Variants in ECEL1 observed in about 807,000 individuals in gnomAD.
ECEL1 encodes the protein endothelin converting enzyme like 1.
ECEL1 carries 87 observed loss-of-function variants against 101.8 expected under a neutral mutation model. The observed-to-expected ratio is 0.85, with a 90% confidence interval of 0.72 to 1.02. The LOEUF (loss-of-function observed/expected upper bound fraction) is 1.02, where lower values mean the gene tolerates loss of function less well. Among genes scored for constraint, ECEL1 ranks in the 50% least tolerant of loss-of-function variants. The pLI is 0.00. For missense variants in ECEL1, 1,032 were observed against 1,079.2 expected, an observed-to-expected ratio of 0.96 and a Z score of 0.61; for synonymous variants, 487 against 468.7, an observed-to-expected ratio of 1.04 and a Z score of -0.50.
rs530513811 is a variant in ECEL1 at position 232,481,806 on chromosome 2, G to A, written c.1840C>T (p.Leu614=). The change falls in exon 13 of 18, where the codon CTG becomes TTG. Residue 614 remains leucine (L), a synonymous_variant. Transcript: ENST00000304546. The part of the protein sequence containing the change: ...GGIGTIIGHE[L]THGYDDWGGQ... ...CCCCAGTCGTCGTAGCCGTGGGTCAGCTCATGTCCAATGATGGTGCCGATG... is the reference window on the plus strand; with the variant it reads ...CCCCAGTCGTCGTAGCCGTGGGTCAACTCATGTCCAATGATGGTGCCGATG... 89 of 1,614,018 alleles carry A rather than the reference G, an allele frequency of 5.5e-5. No homozygotes were observed. The South Asian group carries it at 9.1e-4, about 17-fold the overall frequency.
At position 232,483,537 on chromosome 2, in the gene ECEL1, G is replaced by C. The variant is rs201740181; in HGVS notation, c.1408-23C>G. On this transcript the variant is annotated intron_variant, in intron 7 of 17. Transcript: ENST00000304546. ...CACCTGCAGGGTCAGGGGTCAGGGAGCAAGGGTCAACCCAGCAGCCTGGTC... is the reference window on the plus strand; with the variant it reads ...CACCTGCAGGGTCAGGGGTCAGGGACCAAGGGTCAACCCAGCAGCCTGGTC... 3.0e-5 allele frequency: 48 copies of C among 1,583,550 alleles called. No individual in the cohort carries two copies. The African/African-American group carries it at 3.9e-4, about 13-fold the overall frequency.
At position 232,485,912 on chromosome 2, in the gene ECEL1, T is replaced by C; in HGVS notation, c.742A>G (p.Thr248Ala). 6.4e-7 allele frequency: 1 copy of C among 1,573,674 alleles called. No homozygotes were observed. The highest frequency in any genetic ancestry group is 8.6e-7 in the Non-Finnish European group (1 of 1,162,082). The change falls in exon 2 of 18, where the codon ACG becomes GCG. Residue 248 changes from threonine to alanine, a missense_variant. Thr to Ala is a moderately conservative substitution (Grantham distance 58, BLOSUM62 0). Coordinates refer to ENST00000304546, the MANE Select transcript of ECEL1 (RefSeq NM_004826.4). Reference protein sequence around the residue: ...VYSAAALFSLTVSLDDRNSSR... With the variant: ...VYSAAALFSLAVSLDDRNSSR... ...GAGTTCCTGTCGTCCAGGCTGACCG[T>C]GAGCGAGAAGAGCGCGGCGGCGCTG...
chr2:232,486,878 C>G, intron 1 of ECEL1, 124 bp from the exon 2 acceptor site: 1 of 401,994 alleles, frequency 2.5e-6, no homozygotes, highest in Non-Finnish European at 4.2e-6. Flanking sequence ...ACTGCGGAAA[C>G]CAGGGACTAT....
chr2:232,487,159 T>A (rs1690750989), intron 1 of ECEL1, among the ~76,000 whole-genome samples: 1 of 152,180 alleles, frequency 6.6e-6, no homozygotes. Flanking sequence ...GGGGCGCGTC[T>A]ATGCGACACT....
intron 3 of ECEL1, 47 bp from the exon 4 acceptor site, chr2:232,485,138 C>T: frequency 6.2e-7 from 1 of 1,612,164 alleles, no homozygotes; most frequent in South Asian, 1.1e-5. Context: ...CAGGCCTAGC[C>T]TGGATCCACC....
chr2:232,484,474 G>C lies in ECEL1; in HGVS notation c.1182C>G (p.His394Gln), dbSNP rs144961361. Residue 394 changes from histidine to glutamine, a missense_variant and splice_region_variant, in exon 6 of 18, where the codon CAC (histidine) becomes CAG (glutamine). By Grantham distance (24) the His-to-Gln change is conservative (BLOSUM62 0). Transcript: ENST00000304546. ...AAATGCCAGATCTGCAGCCATACCG[G>C]TGGGGTGTGGAGCGGATGAGCTGCG... ...QVSQLIRSTP[H>Q]RVLHNYLVWR... 2 of 1,613,570 alleles carry C rather than the reference G, an allele frequency of 1.2e-6. No individual in the cohort carries two copies. Among genetic ancestry groups the C allele is most frequent in the East Asian group, 2.2e-5 (1 of 44,882 alleles).
chr2:232,486,333 G>A lies in ECEL1; in HGVS notation c.321C>T (p.Arg107=). ...EGCPERKAFA[R]AARFLAANLD... is the part of the protein sequence containing the mutation. ...GGTTGGCGGCCAGGAAGCGAGCGGCGCGCGCGAAGGCCTTGCGCTCAGGGC... is the reference window on the plus strand; with the variant it reads ...GGTTGGCGGCCAGGAAGCGAGCGGCACGCGCGAAGGCCTTGCGCTCAGGGC... Residue 107 remains arginine (R), a synonymous_variant, in exon 2 of 18, where the codon CGC becomes CGT. Coordinates refer to ENST00000304546, the MANE Select transcript of ECEL1 (RefSeq NM_004826.4). 6.4e-7 allele frequency: 1 copy of A among 1,561,318 alleles called. No homozygotes were observed.
At chr2:232,481,979 G>C (rs1035363265) in intron 12 of ECEL1, 130 bp from the exon 13 acceptor site, 2 of 1,184,162 alleles carry the variant, frequency 1.7e-6, no homozygotes, top group African/African-American at 1.5e-5. Flanking sequence ...GCATCCGTGC[G>C]GTCCAGGGGC....
Position 232,486,578 on chromosome 2 carries a change from C to A in ECEL1, c.76G>T (p.Gly26Trp), listed in dbSNP as rs1385188324. The part of the protein sequence containing the change: ...EVKYVSRCGA[G>W]GARGASLPPG... Reference sequence around the variant, plus strand: ...GGCAGGGAGGCCCCGCGCGCGCCCCCCGCGCCGCAGCGGCTCACGTACTTG... The same window carrying A: ...GGCAGGGAGGCCCCGCGCGCGCCCCACGCGCCGCAGCGGCTCACGTACTTG... The change falls in exon 2 of 18, where the codon GGG becomes TGG. Residue 26 changes from glycine to tryptophan, a missense_variant. By Grantham distance (184) the Gly-to-Trp change is radical. Transcript: ENST00000304546. 9 of 1,398,050 alleles carry A rather than the reference C, an allele frequency of 6.4e-6. No homozygotes were observed. Among genetic ancestry groups the A allele is most frequent in the Non-Finnish European group, 8.3e-6 (9 of 1,078,118 alleles). The allele number at this position is 1,398,050 out of a possible 1,614,324, so 86.6% of individuals were successfully genotyped here.
Position 232,485,973 on chromosome 2 carries a change from G to A in ECEL1, c.681C>T (p.Asp227=), listed in dbSNP as rs1470000507. The A allele has an allele frequency of 6.3e-7, 1 of 1,599,856 alleles. No individual in the cohort carries two copies. Among genetic ancestry groups the A allele is most frequent in the African/African-American group, 1.3e-5 (1 of 74,734 alleles). Residue 227 remains aspartate (D), a synonymous_variant, in exon 2 of 18, where the codon GAC becomes GAT. Coordinates refer to ENST00000304546, the MANE Select transcript of ECEL1 (RefSeq NM_004826.4). ...EERPGVAARW[D]LNRLLYKAQG... is the part of the protein sequence containing the mutation. ...GCGCCTTGTACAGCAGCCGGTTGAG[G>A]TCCCATCGCGCCGCGACCCCCGGAC...
chr2:232,482,212 C>T (rs1254250245), intron 12 of ECEL1, among the ~76,000 whole-genome samples: 3 of 152,134 alleles, frequency 2.0e-5, no homozygotes, highest in Admixed American at 6.5e-5. Flanking sequence ...TAAAGAAGAC[C>T]CCAGGAAGTT....
In ECEL1 at chr2:232,486,541, G is replaced by T. The variant is rs1216246091; in HGVS notation, c.113C>A (p.Pro38Gln). The T allele has an allele frequency of 7.4e-7, 1 of 1,342,818 alleles. No homozygotes were observed. The highest frequency in any genetic ancestry group is 9.5e-7 in the Non-Finnish European group (1 of 1,056,276). The allele number at this position is 1,342,818 out of a possible 1,614,324, so 83.2% of individuals were successfully genotyped here. Reference sequence around the variant, plus strand: ...GGTGGCGCTGCGCGCAGCGCCCAACGGGAAGCCCGGGGGCAGGGAGGCCCC... The same window carrying T: ...GGTGGCGCTGCGCGCAGCGCCCAACTGGAAGCCCGGGGGCAGGGAGGCCCC... ...ARGASLPPGF[P>Q]LGAARSATGA... The change falls in exon 2 of 18, where the codon CCG becomes CAG. Residue 38 changes from proline to glutamine, a missense_variant. Physicochemically the swap from Pro to Gln is moderately conservative, Grantham distance 76. Transcript: ENST00000304546.
intron 9 of ECEL1, 49 bp downstream of exon 9, chr2:232,483,056 G>T (rs13002919): frequency 1.2e-6 from 2 of 1,611,722 alleles, no homozygotes; most frequent in Admixed American, 1.7e-5. Context: ...CCTGAGTGCC[G>T]TTAGTAGAGG....
rs778102692 is a variant in ECEL1 at position 232,485,926 on chromosome 2, G to A, written c.728C>T (p.Ala243Val). The change falls in exon 2 of 18, where the codon GCG becomes GTG. Residue 243 changes from alanine (A) to valine (V), a missense_variant. Physicochemically the swap from Ala to Val is moderately conservative, Grantham distance 64. Transcript: ENST00000304546. ...CAGGCTGACCGTGAGCGAGAAGAGC[G>A]CGGCGGCGCTGTACACGCCCTGCGC... ...YKAQGVYSAA[A>V]LFSLTVSLDD... The A allele has an allele frequency of 1.7e-4, 267 of 1,575,540 alleles. 6 individuals are homozygous for A. The Middle Eastern group carries it at 6.2e-3, about 37-fold the overall frequency.
rs749296865 is a variant in ECEL1 at position 232,481,840 on chromosome 2, G to A, written c.1806C>T (p.Asn602=). ...CAATGATGGTGCCGATGCCCCCGTA[G>A]TTGAGAGACCTGGGCCCACAGCAGC... is the stretch of plus-strand genomic sequence containing the variant. ...LYDPDFPQSL[N]YGGIGTIIGH... is the part of the protein sequence containing the mutation. The change falls in exon 13 of 18, where the codon AAC becomes AAT. Residue 602 remains asparagine, a synonymous_variant. Coordinates refer to ENST00000304546, the MANE Select transcript of ECEL1 (RefSeq NM_004826.4). 5 of 1,613,966 alleles carry A rather than the reference G, an allele frequency of 3.1e-6. No individual in the cohort carries two copies. Among genetic ancestry groups the A allele is most frequent in the Non-Finnish European group, 4.2e-6 (5 of 1,180,012 alleles).
At position 232,481,148 on chromosome 2, in the gene ECEL1, C is replaced by A. The variant is rs1690567424; in HGVS notation, c.1998G>T (p.Gly666=). The change falls in exon 15 of 18, where the codon GGG becomes GGT. Residue 666 remains glycine, a synonymous_variant. Coordinates refer to ENST00000304546, the MANE Select transcript of ECEL1 (RefSeq NM_004826.4). ...CGATGTTCTCCCCAAGCGTGTGTTT[C>A]CCGTTCACCTGCCGGGAAGGGAAGA... is the stretch of plus-strand genomic sequence containing the variant. ...NFTVYNQRVN[G]KHTLGENIAD... is the part of the protein sequence containing the mutation. 3.2e-6 allele frequency: 5 copies of A among 1,566,016 alleles called. No individual in the cohort carries two copies. The Admixed American group carries it at 9.4e-5, about 29-fold the overall frequency.
rs754749774 is a variant in ECEL1 at position 232,481,544 on chromosome 2, C to A, written c.1951G>T (p.Val651Phe). The change falls in exon 14 of 18, where the codon GTC becomes TTC. Residue 651 changes from valine (V) to phenylalanine (F), a missense_variant. By Grantham distance (50) the Val-to-Phe change is conservative (BLOSUM62 -1). Coordinates refer to ENST00000304546, the MANE Select transcript of ECEL1 (RefSeq NM_004826.4). ...SRFLRKAECIVRLYDNFTVYN... is the reference protein window; with the variant it reads ...SRFLRKAECIFRLYDNFTVYN... ...ACAGTGAAGTTGTCATAGAGACGGA[C>A]GATGCACTCAGCCTTTCGCAGGAAG... The A allele has an allele frequency of 1.9e-6, 3 of 1,613,616 alleles. No homozygotes were observed. Among genetic ancestry groups the A allele is most frequent in the Admixed American group, 3.3e-5 (2 of 60,000 alleles).
chr2:232,486,522 G>T lies in ECEL1; in HGVS notation c.132C>A (p.Ser44Arg). 1 of 1,348,192 alleles carries T rather than the reference G, an allele frequency of 7.4e-7. No homozygotes were observed. Among genetic ancestry groups the T allele is most frequent in the South Asian group, 1.9e-5 (1 of 51,912 alleles). 83.5% of individuals were successfully genotyped at this position (1,348,192 alleles called of 1,614,324 possible). A position where few individuals can be genotyped will look rare whatever the true frequency, so the allele number is the denominator to read the frequency against. ...GCAGCCCGGACCGGGCCCCGGTGGC[G>T]CTGCGCGCAGCGCCCAACGGGAAGC... ...PPGFPLGAARSATGARSGLPR... is the reference protein window; with the variant it reads ...PPGFPLGAARRATGARSGLPR... The change falls in exon 2 of 18, where the codon AGC becomes AGA. Residue 44 changes from serine (S) to arginine (R), a missense_variant. Transcript: ENST00000304546.
chr2:232,481,675 C>A, intron 13 of ECEL1, 45 bp from the exon 14 acceptor site: 1 of 1,589,490 alleles, frequency 6.3e-7, no homozygotes, highest in African/African-American at 1.3e-5. Flanking sequence ...ACCTGAGCCC[C>A]CTCCCCTCCC....
Sources: allele counts gnomAD v4.1 joint callset (sites outside exome capture counted in the v4.1 genomes callset), GRCh38; gene constraint gnomAD v4.1.1; transcripts MANE v1.5; gene names NCBI Gene and HGNC (gene_info 2026-07-23, HGNC 2026-07-21).